AIF1L: variants seen among roughly 807,000 people sequenced by gnomAD.
The protein encoded by AIF1L is allograft inflammatory factor 1-like.
AIF1L carries 12 observed loss-of-function variants against 20.7 expected under a neutral mutation model. The ratio of observed to expected loss-of-function variants is 0.58; its 90% CI spans 0.37 to 0.94. AIF1L has a LOEUF of 0.94. AIF1L is among the 40% of genes least tolerant of loss of function. The pLI is 0.01. For missense variants in AIF1L, 173 were observed against 185.3 expected (o/e 0.93, Z 0.39); for synonymous variants, 76 against 65.1 (o/e 1.17, Z -0.81).
chr9:131,114,359 C>T, intron 3 of AIF1L: 1 of 536,134 alleles, frequency 1.9e-6, no homozygotes, highest in Admixed American at 3.0e-5. Flanking sequence ...CCATCTTTCC[C>T]TCGTGGCACC....
chr9:131,098,256 G>C (rs1830566648), intron 2 of AIF1L: 1 of 152,466 alleles, frequency 6.6e-6, no homozygotes, highest in African/African-American at 2.4e-5. Flanking sequence ...TCCCCCTCCA[G>C]GTAAGCTCCG....
intron 2 of AIF1L, among the ~76,000 whole-genome samples, chr9:131,104,116 C>T (rs978654256): frequency 1.3e-5 from 2 of 152,216 alleles, no homozygotes; most frequent in African/African-American, 4.8e-5. Context: ...CCCCCCAGCT[C>T]CTGCCCGCTT....
At chr9:131,111,394 T>C in intron 2 of AIF1L, 1 of 587,836 alleles carries the variant, frequency 1.7e-6, no homozygotes, top group Admixed American at 2.9e-5. Context: ...CTCCCCAAGC[T>C]GCTGGGCAAA....
intron 2 of AIF1L, among the ~76,000 whole-genome samples, chr9:131,105,181 AGGCGTGGCAGCCTGGCT>A (rs1397094613): frequency 3.9e-5 from 6 of 152,150 alleles, no homozygotes; most frequent in Non-Finnish European, 8.8e-5. Context: ...GAGGTGGAGC[AGGCGTGGCAGCCTGGCT>A]GGTGGAGTCC....
At chr9:131,106,900 G>A (rs1385766721) in intron 2 of AIF1L, among the ~76,000 whole-genome samples, 3 of 152,098 alleles carry the variant, frequency 2.0e-5, no homozygotes, top group South Asian at 4.1e-4. Flanking sequence ...ATTTGAGACC[G>A]AACTGCTCCA....
chr9:131,117,722 T>C (rs376454977), intron 4 of AIF1L, 34 bp from the exon 5 acceptor site: 103 of 1,558,940 alleles, frequency 6.6e-5, no homozygotes, highest in Non-Finnish European at 8.1e-5. Flanking sequence ...CAGCAGCCCA[T>C]CTCCACTTAA....
Position 131,121,087 on chromosome 9 carries a change from G to C in AIF1L, c.*765G>C. ...GCCTGGGGTTTTGGGGGAAAGGTCAGCTCAGTGCTGTTCCACCTTTTAGGG... is the reference window on the plus strand; with the variant it reads ...GCCTGGGGTTTTGGGGGAAAGGTCACCTCAGTGCTGTTCCACCTTTTAGGG... On this transcript the variant is annotated 3_prime_UTR_variant, in exon 6 of 6. Coordinates refer to ENST00000247291, the MANE Select transcript of AIF1L (RefSeq NM_031426.4). The C allele has an allele frequency of 1.4e-6, 1 of 714,694 alleles. No individual in the cohort carries two copies. Among genetic ancestry groups the C allele is most frequent in the East Asian group, 2.7e-5 (1 of 37,246 alleles). 44.3% of individuals were successfully genotyped at this position (714,694 alleles called of 1,614,324 possible).
At chr9:131,113,025 G>T (rs1034077160) in intron 3 of AIF1L, among the ~76,000 whole-genome samples, 2 of 152,136 alleles carry the variant, frequency 1.3e-5, no homozygotes, top group Non-Finnish European at 2.9e-5. Context: ...CATGGTGAAC[G>T]TAAAAGGCAG....
At chr9:131,107,778 G>A (rs953612602) in intron 2 of AIF1L, 6 of 152,176 alleles carry the variant, frequency 3.9e-5, no homozygotes, top group African/African-American at 1.2e-4. Flanking sequence ...TGACCCCAAA[G>A]TCTGGGAATC....
intron 2 of AIF1L, among the ~76,000 whole-genome samples, chr9:131,101,486 A>G (rs1332015781): frequency 6.6e-6 from 1 of 151,642 alleles, no homozygotes; most frequent in Non-Finnish European, 1.5e-5. Flanking sequence ...AGCTGGGACT[A>G]TAGGCGTGCA....
chr9:131,121,035 G>A lies in AIF1L; in HGVS notation c.*713G>A, dbSNP rs1251509840. 4.3e-6 allele frequency: 3 copies of A among 694,880 alleles called. No individual in the cohort carries two copies. The African/African-American group carries it at 5.3e-5, about 12-fold the overall frequency. 43.0% of individuals were successfully genotyped at this position (694,880 alleles called of 1,614,324 possible). On this transcript the variant is annotated 3_prime_UTR_variant, in exon 6 of 6. Transcript: ENST00000247291. Reference sequence around the variant, plus strand: ...AGCCCTACTGTCCCTTACTGGGGCAGCAGAGGGCTTCGGAGGCAGAAGTGA... The same window carrying A: ...AGCCCTACTGTCCCTTACTGGGGCAACAGAGGGCTTCGGAGGCAGAAGTGA...
At chr9:131,108,918 T>C (rs1322921411) in intron 2 of AIF1L, among the ~76,000 whole-genome samples, 3 of 152,190 alleles carry the variant, frequency 2.0e-5, no homozygotes, top group African/African-American at 7.2e-5. Flanking sequence ...GTTCTTGTCA[T>C]CCTCTATTCT....
intron 2 of AIF1L, among the ~76,000 whole-genome samples, chr9:131,106,623 A>G (rs1456284558): frequency 6.6e-6 from 1 of 152,002 alleles, no homozygotes; most frequent in East Asian, 1.9e-4. Flanking sequence ...TCTCTACAAA[A>G]AATACAAACA....
intron 2 of AIF1L, among the ~76,000 whole-genome samples, chr9:131,100,405 C>T (rs915567155): frequency 1.3e-5 from 2 of 152,184 alleles, no homozygotes; most frequent in Non-Finnish European, 2.9e-5. Flanking sequence ...CATTATCTTG[C>T]GAATGCTCTC....
At chr9:131,111,315 C>T (rs1004182480) in intron 2 of AIF1L, 20 of 363,562 alleles carry the variant, frequency 5.5e-5, no homozygotes, top group East Asian at 4.7e-5. Context: ...GGGAGGGGCA[C>T]GGGTCCCAGC....
In AIF1L at chr9:131,096,531, A is replaced by G. The variant is rs1420772509; in HGVS notation, c.-99A>G. 2.9e-6 allele frequency: 4 copies of G among 1,374,710 alleles called. No homozygotes were observed. The highest frequency in any genetic ancestry group is 2.8e-6 in the Non-Finnish European group (3 of 1,055,126). 85.2% of individuals were successfully genotyped at this position (1,374,710 alleles called of 1,614,324 possible). A position where few individuals can be genotyped will look rare whatever the true frequency, so the allele number is the denominator to read the frequency against. On this transcript the variant is annotated 5_prime_UTR_variant, in exon 1 of 6. Coordinates refer to ENST00000247291, the MANE Select transcript of AIF1L (RefSeq NM_031426.4). The stretch of plus-strand genomic sequence containing the variant: ...TCCTCCGCCCCTCGGTCCCGCGGCC[A>G]CACGCAGCTAGCCGGAGCCCGGACC...
At chr9:131,110,505 CTT>C (rs199767868) in intron 2 of AIF1L, among the ~76,000 whole-genome samples, 52 of 138,354 alleles carry the variant, frequency 3.8e-4, no homozygotes, top group Admixed American at 6.5e-4. Flanking sequence ...TTTTTCTTTT[CTT>C]TTTTTTTTTT....
chr9:131,120,816 C>T lies in AIF1L; in HGVS notation c.*494C>T. The T allele has an allele frequency of 2.4e-6, 1 of 414,200 alleles. No individual in the cohort carries two copies. The highest frequency in any genetic ancestry group is 4.3e-6 in the Non-Finnish European group (1 of 233,524). 25.7% of individuals were successfully genotyped at this position (414,200 alleles called of 1,614,324 possible). On this transcript the variant is annotated 3_prime_UTR_variant, in exon 6 of 6. Transcript: ENST00000247291. The stretch of plus-strand genomic sequence containing the variant: ...CCATGGCTCCAGTGCTCTGGTGTCA[C>T]CCAGGACACAGCCACTCGGGGCCCC...
In AIF1L at chr9:131,120,151, G is replaced by A. The variant is rs1588113806; in HGVS notation, c.366-84G>A. 2.2e-6 allele frequency: 3 copies of A among 1,335,716 alleles called. No individual in the cohort carries two copies. The East Asian group carries it at 7.0e-5, about 31-fold the overall frequency. The allele number at this position is 1,335,716 out of a possible 1,614,324, so 82.7% of individuals were successfully genotyped here. On this transcript the variant is annotated intron_variant, in intron 5 of 5. Transcript: ENST00000247291. ...TCTGTTGAGGACCCTGCTGACATGA[G>A]GCTGGGATGATCTTTCCCTGGATGA...
Sources: gnomAD v4.1 joint callset for allele counts (sites outside exome capture counted in the v4.1 genomes callset) on GRCh38, gnomAD v4.1.1 for gene constraint, MANE v1.5 for transcripts, NCBI Gene and HGNC (gene_info 2026-07-23, HGNC 2026-07-21) for gene names.